The following PRR5L variants were observed in gnomAD, a reference collection of about 807,000 sequenced individuals.
PRR5L encodes the protein proline rich 5 like.
A neutral mutation model predicts 36.4 loss-of-function variants in PRR5L; 21 were observed. That is an observed-to-expected ratio of 0.58 (90% CI 0.41 to 0.83). The LOEUF (loss-of-function observed/expected upper bound fraction) is 0.83. PRR5L is among the 40% of genes least tolerant of loss of function. The probability of loss-of-function intolerance (pLI) is 0.00; values close to 1 mark genes in which losing one functional copy is unlikely to be tolerated. For missense variants in PRR5L, 381 were observed against 473.3 expected, an observed-to-expected ratio of 0.80 and a Z score of 1.81; for synonymous variants, 188 against 197.0, an observed-to-expected ratio of 0.95 and a Z score of 0.38.
chr11:36,397,286 G>T, intron 1 of PRR5L, among the ~76,000 whole-genome samples: 1 of 142,340 alleles, frequency 7.0e-6, no homozygotes, highest in South Asian at 2.2e-4. Context: ...GTCTGATTTC[G>T]AACTCCTGCC....
intron 1 of PRR5L, among the ~76,000 whole-genome samples, chr11:36,348,726 T>A (rs1856892298): frequency 6.6e-6 from 1 of 152,296 alleles, no homozygotes; most frequent in Admixed American, 6.5e-5. Context: ...TCAAGCAGAT[T>A]GCTGTGTGTC....
intron 3 of PRR5L, 36 bp downstream of exon 3, chr11:36,403,414 T>C (rs1182181093): frequency 6.4e-7 from 1 of 1,573,634 alleles, no homozygotes; most frequent in Non-Finnish European, 8.7e-7. Context: ...CATTTTCCCC[T>C]ATAAACCTGA....
At chr11:36,404,242 A>G (rs1466149441) in intron 3 of PRR5L, among the ~76,000 whole-genome samples, 2 of 150,212 alleles carry the variant, frequency 1.3e-5, no homozygotes, top group African/African-American at 4.9e-5. Flanking sequence ...AGGATCTTCT[A>G]GGGACAGGAG....
chr11:36,401,027 C>T lies in PRR5L; in HGVS notation c.-95C>T. 1 of 1,520,710 alleles carries T rather than the reference C, an allele frequency of 6.6e-7. No individual in the cohort carries two copies. Among genetic ancestry groups the T allele is most frequent in the African/African-American group, 1.4e-5 (1 of 72,022 alleles). 94.2% of individuals were successfully genotyped at this position (1,520,710 alleles called of 1,614,324 possible). A position where few individuals can be genotyped will look rare whatever the true frequency, so the allele number is the denominator to read the frequency against. On this transcript the variant is annotated 5_prime_UTR_variant, in exon 2 of 9. Coordinates refer to ENST00000530639, the MANE Select transcript of PRR5L (RefSeq NM_001160167.2). The stretch of plus-strand genomic sequence containing the variant: ...GGCTACGTTTGTGGTTTTAAGAAAG[C>T]CTGAGGGCCTGAAGGCAGCCCCTGG...
At chr11:36,426,677 G>T (rs1858389510) in intron 4 of PRR5L, among the ~76,000 whole-genome samples, 1 of 152,196 alleles carries the variant, frequency 6.6e-6, no homozygotes. Context: ...AAAGTGGATA[G>T]GTTGTGGCGA....
rs150609894 is a variant in PRR5L, at chr11:36,409,836, A to T, written c.245+6458A>T. Among the ~76,000 whole-genome samples, 341 of 152,338 alleles carry T rather than the reference A, an allele frequency of 2.2e-3. 3 individuals carry two copies. Among genetic ancestry groups the T allele is most frequent in the Non-Finnish European group, 3.6e-3 (246 of 68,032 alleles). Reference sequence around the variant, plus strand: ...ACAAGGAGGAAGTACAGATACAGAGAGGTGGAATAACTCACCCAGAGTCAT... The same window carrying T: ...ACAAGGAGGAAGTACAGATACAGAGTGGTGGAATAACTCACCCAGAGTCAT... On this transcript the variant is annotated intron_variant, in intron 3 of 8. Coordinates refer to ENST00000530639, the MANE Select transcript of PRR5L (RefSeq NM_001160167.2).
intron 3 of PRR5L, among the ~76,000 whole-genome samples, chr11:36,411,696 TG>T (rs1400908819): frequency 9.2e-5 from 14 of 152,322 alleles, no homozygotes; most frequent in African/African-American, 3.4e-4. Flanking sequence ...CTGCTGAGGC[TG>T]AGGGGTTGCT....
intron 3 of PRR5L, among the ~76,000 whole-genome samples, chr11:36,408,049 G>A (rs1036961817): frequency 6.6e-6 from 1 of 152,186 alleles, no homozygotes; most frequent in Non-Finnish European, 1.5e-5. Context: ...CAAGGCAGGT[G>A]GATCACCTGA....
At chr11:36,337,542 T>C (rs998753181) in intron 1 of PRR5L, among the ~76,000 whole-genome samples, 1 of 152,224 alleles carries the variant, frequency 6.6e-6, no homozygotes, top group African/African-American at 2.4e-5. Context: ...TTATGACTTT[T>C]TAAAATCCCA....
intron 8 of PRR5L, among the ~76,000 whole-genome samples, chr11:36,453,189 G>A (rs1307523962): frequency 1.3e-5 from 2 of 152,166 alleles, no homozygotes; most frequent in Non-Finnish European, 2.9e-5. Flanking sequence ...AGTGGGATGG[G>A]ATACCGTTTG....
At chr11:36,323,121 C>T (rs1205611003) in intron 1 of PRR5L, among the ~76,000 whole-genome samples, 1 of 152,054 alleles carries the variant, frequency 6.6e-6, no homozygotes, top group African/African-American at 2.4e-5. Flanking sequence ...GTTGCAGAAG[C>T]CCCAGGACAC....
In PRR5L at chr11:36,351,020, A is replaced by ATGTAT. The variant is rs1331319336; in HGVS notation, c.-125-49976_-125-49975insGTATT. ...TTTATATATATTTATATAGTTATATATTTATATATTTATTTTTTAATATAT... is the reference window on the plus strand; with the variant it reads ...TTTATATATATTTATATAGTTATATATGTATTTTATATATTTATTTTTTAATATAT... On this transcript the variant is annotated intron_variant, in intron 1 of 8. Transcript: ENST00000530639. 7.6e-4 allele frequency among the ~76,000 whole-genome samples: 56 copies of ATGTAT among 73,532 alleles called. 2 individuals are homozygous for ATGTAT. Among genetic ancestry groups the ATGTAT allele is most frequent in the South Asian group, 6.0e-3 (11 of 1,830 alleles). 48.2% of individuals were successfully genotyped at this position (73,532 alleles called of 152,430 possible). A position where few individuals can be genotyped will look rare whatever the true frequency, so the allele number is the denominator to read the frequency against.
intron 5 of PRR5L, 126 bp downstream of exon 5, chr11:36,432,036 C>A: frequency 1.4e-6 from 1 of 717,308 alleles, no homozygotes; most frequent in Non-Finnish European, 2.4e-6. Flanking sequence ...TCCGTTTCCT[C>A]CCTACCTAGG....
intron 5 of PRR5L, among the ~76,000 whole-genome samples, chr11:36,436,721 C>T (rs1031116625): frequency 1.3e-5 from 2 of 152,120 alleles, no homozygotes; most frequent in African/African-American, 4.8e-5. Context: ...TAAGATTGGC[C>T]AAGAGCATGG....
chr11:36,439,702 T>C (rs1353404780), intron 6 of PRR5L, among the ~76,000 whole-genome samples: 2 of 152,336 alleles, frequency 1.3e-5, no homozygotes, highest in Middle Eastern at 3.4e-3. Context: ...CAGAGGTATA[T>C]AGCATACCCT....
At chr11:36,387,975 C>A (rs1196631297) in intron 1 of PRR5L, among the ~76,000 whole-genome samples, 2 of 152,144 alleles carry the variant, frequency 1.3e-5, no homozygotes. Flanking sequence ...AGGCTTATAT[C>A]CTAAGATGGC....
chr11:36,389,412 G>A (rs1335313964), intron 1 of PRR5L, among the ~76,000 whole-genome samples: 1 of 152,136 alleles, frequency 6.6e-6, no homozygotes, highest in East Asian at 1.9e-4. Flanking sequence ...CTCAGGGCGA[G>A]GCCGTGATCT....
At chr11:36,440,165 G>A (rs1409114860) in intron 6 of PRR5L, among the ~76,000 whole-genome samples, 1 of 152,098 alleles carries the variant, frequency 6.6e-6, no homozygotes, top group Non-Finnish European at 1.5e-5. Context: ...TCAAAGGCCA[G>A]ATTCTGCATA....
At chr11:36,414,935 G>T (rs1420820015) in intron 3 of PRR5L, among the ~76,000 whole-genome samples, 1 of 139,986 alleles carries the variant, frequency 7.1e-6, no homozygotes, top group Non-Finnish European at 1.5e-5. Context: ...CATATGGCTA[G>T]CCAGTTTTCC....
Sources: gnomAD v4.1 joint callset for allele counts (sites outside exome capture counted in the v4.1 genomes callset) on GRCh38, gnomAD v4.1.1 for gene constraint, MANE v1.5 for transcripts, NCBI Gene and HGNC (gene_info 2026-07-23, HGNC 2026-07-21) for gene names.